SUGCT: variants seen among roughly 807,000 people sequenced by gnomAD.
SUGCT encodes the protein succinyl-CoA:glutarate CoA-transferase.
In SUGCT, 41 loss-of-function variants were observed where a neutral mutation model predicts 55.0. The ratio of observed to expected loss-of-function variants is 0.74; its 90% CI spans 0.58 to 0.97. The LOEUF is 0.97. Ranked by LOEUF, SUGCT falls within the 50% of genes least tolerant of loss-of-function variation. The pLI is 0.00. For missense variants in SUGCT, 568 were observed against 547.8 expected (o/e 1.04, Z -0.37); for synonymous variants, 187 against 200.4 (o/e 0.93, Z 0.56).
the SUGCT span, among the ~76,000 whole-genome samples, chr7:40,902,973 C>T: frequency 5.9e-5 from 9 of 152,156 alleles, no homozygotes; most frequent in African/African-American, 2.2e-4. Context: ...TAAATTATTT[C>T]CCCAAGTTCA....
intron 7 of SUGCT, among the ~76,000 whole-genome samples, chr7:40,253,818 G>T (rs922720050): frequency 6.6e-6 from 1 of 152,230 alleles, no homozygotes; most frequent in Non-Finnish European, 1.5e-5. Flanking sequence ...ACTGCACCCG[G>T]CCTACATGTT....
At chr7:40,417,992 C>T (rs1469414494) in intron 9 of SUGCT, among the ~76,000 whole-genome samples, 1 of 151,884 alleles carries the variant, frequency 6.6e-6, no homozygotes, top group Non-Finnish European at 1.5e-5. Flanking sequence ...TTATATATTT[C>T]ACACGAGTCA....
At chr7:40,754,623 G>GC (rs752124461) in intron 13 of SUGCT, among the ~76,000 whole-genome samples, 1 of 152,164 alleles carries the variant, frequency 6.6e-6, no homozygotes, top group Non-Finnish European at 1.5e-5. Context: ...ACAGCTCAAG[G>GC]CTCTGGGTGC....
chr7:40,684,106 C>G (rs1376637074), intron 12 of SUGCT: 1 of 1,610,518 alleles, frequency 6.2e-7, no homozygotes, highest in South Asian at 1.1e-5. Flanking sequence ...CCCATGGCCC[C>G]TTCCTTCATC....
intron 12 of SUGCT, among the ~76,000 whole-genome samples, chr7:40,736,089 G>GAC (rs201985179): frequency 4.6e-5 from 7 of 150,980 alleles, no homozygotes; most frequent in Non-Finnish European, 1.0e-4. Context: ...AACCCAGAGA[G>GAC]ACACACACAC....
At chr7:40,934,137 T>C in the SUGCT span, among the ~76,000 whole-genome samples, 1 of 152,248 alleles carries the variant, frequency 6.6e-6, no homozygotes, top group Non-Finnish European at 1.5e-5. Context: ...ATGTCCTTTT[T>C]GTTGATGTTG....
At chr7:41,005,985 G>A in the SUGCT span, among the ~76,000 whole-genome samples, 1 of 152,178 alleles carries the variant, frequency 6.6e-6, no homozygotes, top group Non-Finnish European at 1.5e-5. Context: ...TTGGCTTGCA[G>A]AATATACTGT....
At chr7:40,242,906 C>T (rs1584434913) in intron 7 of SUGCT, among the ~76,000 whole-genome samples, 1 of 32,232 alleles carries the variant, frequency 3.1e-5, no homozygotes, top group Non-Finnish European at 5.2e-5. Context: ...TGCTATGTGG[C>T]ATATATATAT....
intron 8 of SUGCT, among the ~76,000 whole-genome samples, chr7:40,313,682 C>T (rs1304327237): frequency 2.0e-5 from 3 of 151,060 alleles, no homozygotes; most frequent in Non-Finnish European, 2.9e-5. Context: ...GAGGCTGGAG[C>T]GCTGTGGCGT....
intron 12 of SUGCT, among the ~76,000 whole-genome samples, chr7:40,518,940 G>A (rs1235254610): frequency 1.3e-5 from 2 of 151,916 alleles, no homozygotes; most frequent in Non-Finnish European, 2.9e-5. Flanking sequence ...ATAAATTAGG[G>A]AATAAGGGAA....
At chr7:40,929,507 C>G in the SUGCT span, among the ~76,000 whole-genome samples, 4 of 152,192 alleles carry the variant, frequency 2.6e-5, no homozygotes, top group Non-Finnish European at 1.5e-5. Context: ...TCACTGTCTT[C>G]CACAATGGTA....
rs1441647835 is a variant in SUGCT, at chr7:40,237,705, G to A, written c.555G>A (p.Leu185=). 2 of 1,613,742 alleles carry A rather than the reference G, an allele frequency of 1.2e-6. No homozygotes were observed. The highest frequency in any genetic ancestry group is 2.2e-5 in the East Asian group (1 of 44,890). ...YDAVASAVSG[L]MHITGPENGD... ...CTGTTGCCTCGGCTGTTTCTGGTCT[G>A]ATGCACATCACAGGGCCTGAGGTAG... The change falls in exon 7 of 14, where the codon CTG becomes CTA. Residue 185 remains leucine (L), a synonymous_variant. Transcript: ENST00000335693.
intron 12 of SUGCT, among the ~76,000 whole-genome samples, chr7:40,578,614 T>C (rs1019304644): frequency 1.3e-5 from 2 of 152,032 alleles, no homozygotes; most frequent in Admixed American, 6.5e-5. Flanking sequence ...ATTTAGAAAA[T>C]ACCAATGCTC....
At chr7:40,715,822 C>T (rs1785991551) in intron 12 of SUGCT, among the ~76,000 whole-genome samples, 1 of 152,210 alleles carries the variant, frequency 6.6e-6, no homozygotes, top group Admixed American at 6.5e-5. Context: ...TGATTCTTCA[C>T]ATACCACTTT....
chr7:40,653,519 T>A (rs975911272), intron 12 of SUGCT, among the ~76,000 whole-genome samples: 3 of 152,206 alleles, frequency 2.0e-5, no homozygotes, highest in African/African-American at 7.2e-5. Flanking sequence ...AAAAATGGCT[T>A]AGTAAGCTAG....
downstream of SUGCT, among the ~76,000 whole-genome samples, chr7:40,861,463 T>C (rs912694484): frequency 1.3e-5 from 2 of 152,160 alleles, no homozygotes; most frequent in Non-Finnish European, 1.5e-5. Flanking sequence ...TGTTCCAGGA[T>C]AAATTGTTGC....
chr7:40,829,421 C>G (rs955139186), intron 13 of SUGCT, among the ~76,000 whole-genome samples: 1 of 152,142 alleles, frequency 6.6e-6, no homozygotes, highest in East Asian at 1.9e-4. Flanking sequence ...AGTCAAGAAC[C>G]CTCCTGGGCT....
intron 12 of SUGCT, among the ~76,000 whole-genome samples, chr7:40,648,542 T>G (rs1374110088): frequency 6.6e-6 from 1 of 152,212 alleles, no homozygotes; most frequent in Non-Finnish European, 1.5e-5. Flanking sequence ...CCTGTGAATG[T>G]GAGCTCACTT....
intron 12 of SUGCT, among the ~76,000 whole-genome samples, chr7:40,598,181 A>G (rs767028739): frequency 2.0e-5 from 3 of 152,162 alleles, no homozygotes; most frequent in Non-Finnish European, 4.4e-5. Flanking sequence ...TCACAACCTT[A>G]GCTGTTGCTT....
Sources: allele counts gnomAD v4.1 joint callset (sites outside exome capture counted in the v4.1 genomes callset), GRCh38; gene constraint gnomAD v4.1.1; transcripts MANE v1.5; gene names NCBI Gene and HGNC (gene_info 2026-07-23, HGNC 2026-07-21).